The following CAMK2G variants were observed in gnomAD, a reference collection of about 807,000 sequenced individuals.
CAMK2G encodes calcium/calmodulin dependent protein kinase II gamma.
In CAMK2G, 23 loss-of-function variants were observed where a neutral mutation model predicts 88.7. The ratio of observed to expected loss-of-function variants is 0.26; its 90% confidence interval spans 0.19 to 0.37. The LOEUF (loss-of-function observed/expected upper bound fraction) is 0.37. Ranked by LOEUF, CAMK2G falls within the 10% of genes least tolerant of loss-of-function variation. The pLI is 1.00. For missense variants in CAMK2G, 476 were observed against 780.8 expected (o/e 0.61, Z 4.65); for synonymous variants, 263 against 294.8 (o/e 0.89, Z 1.11).
intron 5 of CAMK2G, among the ~76,000 whole-genome samples, chr10:73,849,720 G>T (rs541262512): frequency 2.2e-4 from 34 of 152,332 alleles, no homozygotes; most frequent in African/African-American, 7.5e-4. Context: ...TCTTGGAGAA[G>T]AAGCTTGTGC....
chr10:73,819,545 G>A lies in CAMK2G; in HGVS notation c.1350C>T (p.Leu450=). Residue 450 remains leucine, a synonymous_variant, in exon 19 of 23, where the codon CTC becomes CTT. Coordinates refer to ENST00000423381, the MANE Select transcript of CAMK2G (RefSeq NM_001367534.1). ...CCTCACACTTACTGGCTGAGGAGCA[G>A]AGAGAAGGCTGGGGCTGCATGCCTG... ...PSAGMQPQPS[L]CSSAMRKQEI... The A allele has an allele frequency of 2.6e-6, 4 of 1,548,988 alleles. No individual in the cohort carries two copies. The highest frequency in any genetic ancestry group is 3.5e-6 in the Non-Finnish European group (4 of 1,146,060).
chr10:73,873,074 G>A lies in CAMK2G; in HGVS notation c.75C>T (p.Phe25=). The change falls in exon 2 of 23, where the codon TTC becomes TTT. Residue 25 remains phenylalanine (F), a synonymous_variant. Transcript: ENST00000423381. ...TCTTCACACACCTGCGGACCACAGA[G>A]AAAGCACCCCTGGAGGGAGAAGGGG... The part of the protein sequence containing the change: ...QLFEELGKGA[F]SVVRRCVKKT... 6.2e-7 allele frequency: 1 copy of A among 1,610,898 alleles called. No homozygotes were observed. The highest frequency in any genetic ancestry group is 1.7e-5 in the Admixed American group (1 of 60,008).
intron 20 of CAMK2G, 94 bp from the exon 21 acceptor site, chr10:73,817,211 T>A (rs948436768): frequency 4.6e-6 from 7 of 1,507,310 alleles, no homozygotes; most frequent in African/African-American, 1.4e-5. Context: ...AGCAGCAGGC[T>A]ACCTGTGGCC....
At chr10:73,862,709 G>A (rs2095434171) in intron 2 of CAMK2G, among the ~76,000 whole-genome samples, 1 of 152,246 alleles carries the variant, frequency 6.6e-6, no homozygotes. Context: ...GCCAGATAAA[G>A]AATGGTGAGA....
Position 73,815,013 on chromosome 10 carries a change from G to A in CAMK2G, c.*2C>T. On this transcript the variant is annotated 3_prime_UTR_variant, in exon 22 of 23. Transcript: ENST00000423381. ...GTCAACCAGGTGCACCTGTGGCTGA[G>A]CTCACTGCAGCGGTGCGGCAGGGGC... 6.2e-7 allele frequency: 1 copy of A among 1,607,074 alleles called. No individual in the cohort carries two copies. Among genetic ancestry groups the A allele is most frequent in the African/African-American group, 1.3e-5 (1 of 74,928 alleles).
At chr10:73,817,659 A>G in intron 19 of CAMK2G, 105 bp from the exon 20 acceptor site, 1 of 763,998 alleles carries the variant, frequency 1.3e-6, no homozygotes, top group Admixed American at 1.9e-5. Flanking sequence ...TATGACAAAG[A>G]CATCCCTCTT....
chr10:73,859,411 T>C (rs551818985), intron 3 of CAMK2G, among the ~76,000 whole-genome samples: 24 of 152,352 alleles, frequency 1.6e-4, no homozygotes, highest in South Asian at 4.1e-4. Context: ...TTTTTAAATA[T>C]TGGCAAATAA....
chr10:73,815,373 C>CCG, intron 21 of CAMK2G, 126 bp from the exon 22 acceptor site: 1 of 656,632 alleles, frequency 1.5e-6, no homozygotes, highest in Non-Finnish European at 2.7e-6. Flanking sequence ...AGTACCGCCC[C>CCG]CCCCCACCCC....
chr10:73,819,488 G>C, intron 19 of CAMK2G, 44 bp downstream of exon 19: 1 of 1,383,620 alleles, frequency 7.2e-7, no homozygotes, highest in South Asian at 1.2e-5. Flanking sequence ...GCTTCAGGAC[G>C]AGCCAGGGAG....
chr10:73,839,151 C>T lies in CAMK2G; in HGVS notation c.1009+388G>A, dbSNP rs1184253628. Among the ~76,000 whole-genome samples the T allele has an allele frequency of 6.6e-6, 1 of 152,192 alleles. No homozygotes were observed. Among genetic ancestry groups the T allele is most frequent in the African/African-American group, 2.4e-5 (1 of 41,440 alleles). ...CTTCACAATTTTGAGGAGCGCGGCT[C>T]CTCTGTGGGGTCTTAAACAGTGCTG... On this transcript the variant is annotated intron_variant, in intron 13 of 22. Coordinates refer to ENST00000423381, the MANE Select transcript of CAMK2G (RefSeq NM_001367534.1). This position sits in a 1 kb window ranked among gnomAD's most constrained non-coding sequence, Gnocchi z 4.2.
In CAMK2G at chr10:73,842,885, T is replaced by C. The variant is rs1265589423; in HGVS notation, c.820-344A>G. Among the ~76,000 whole-genome samples the C allele has an allele frequency of 6.6e-6, 1 of 152,136 alleles. No individual in the cohort carries two copies. Among genetic ancestry groups the C allele is most frequent in the African/African-American group, 2.4e-5 (1 of 41,420 alleles). On this transcript the variant is annotated intron_variant, in intron 10 of 22. Transcript: ENST00000423381. The surrounding 1 kb of genome is among the most constrained non-coding windows in gnomAD (Gnocchi z 4.6). ...AGTCACTCCTTAGGCAGCTGTTTACTGAGCACCTACTGCGTTCCAGATGCT... is the reference window on the plus strand; with the variant it reads ...AGTCACTCCTTAGGCAGCTGTTTACCGAGCACCTACTGCGTTCCAGATGCT...
In CAMK2G at chr10:73,824,117, T is replaced by G. The variant is rs751996106; in HGVS notation, c.1156-33A>C. The G allele has an allele frequency of 3.8e-6, 6 of 1,578,492 alleles. No individual in the cohort carries two copies. In the South Asian group the frequency reaches 5.5e-5, roughly 15 times the overall value. Reference sequence around the variant, plus strand: ...AGAAGATGAAGATTACCCTTCCGACTTGGGGACAGACTATGGCTCTTCCCT... The same window carrying G: ...AGAAGATGAAGATTACCCTTCCGACGTGGGGACAGACTATGGCTCTTCCCT... On this transcript the variant is annotated intron_variant, in intron 16 of 22. Coordinates refer to ENST00000423381, the MANE Select transcript of CAMK2G (RefSeq NM_001367534.1).
Position 73,848,594 on chromosome 10 carries a change from G to C in CAMK2G, c.533C>G (p.Pro178Arg). 6.2e-7 allele frequency: 1 copy of C among 1,610,222 alleles called. No homozygotes were observed. The highest frequency in any genetic ancestry group is 8.5e-7 in the Non-Finnish European group (1 of 1,177,628). ...CAAGACCTCAGGGGACAAGTAACCT[G>C]GGGTGCCAGCAAAACCTGTAGCAAA... ...QQAWFGFAGT[P>R]GYLSPEVLRK... Residue 178 changes from proline to arginine, a missense_variant, in exon 8 of 23, where the codon CCA becomes CGA. This residue lies in a region of CAMK2G where 164 missense variants were observed against 385.6 expected (regional missense o/e 0.43). Coordinates refer to ENST00000423381, the MANE Select transcript of CAMK2G (RefSeq NM_001367534.1). The surrounding 1 kb of genome is among the most constrained non-coding windows in gnomAD (Gnocchi z 4.5).
chr10:73,844,120 T>A (rs925663722), intron 10 of CAMK2G, among the ~76,000 whole-genome samples: 6 of 152,056 alleles, frequency 3.9e-5, no homozygotes, highest in African/African-American at 1.2e-4. Context: ...TGAAACAGCA[T>A]CTCACTCTGT....
chr10:73,852,486 C>T (rs145672188), intron 4 of CAMK2G, 167 bp from the exon 5 acceptor site: 126 of 620,204 alleles, frequency 2.0e-4, no homozygotes, highest in Admixed American at 5.6e-4. Flanking sequence ...CAGTGACACC[C>T]GGATTCTCCT....
intron 2 of CAMK2G, among the ~76,000 whole-genome samples, chr10:73,863,065 A>T (rs1048515351): frequency 2.0e-5 from 3 of 152,232 alleles, no homozygotes; most frequent in Non-Finnish European, 2.9e-5. Flanking sequence ...TATGGACTAG[A>T]AGAAATTCAC....
At chr10:73,855,482 G>C (rs1288161778) in intron 3 of CAMK2G, among the ~76,000 whole-genome samples, 2 of 152,162 alleles carry the variant, frequency 1.3e-5, no homozygotes, top group African/African-American at 4.8e-5. Context: ...CTCTGCCTGG[G>C]CCTGGCACTG....
At chr10:73,830,681 G>T (rs911855366) in intron 14 of CAMK2G, among the ~76,000 whole-genome samples, 1 of 152,110 alleles carries the variant, frequency 6.6e-6, no homozygotes, top group African/African-American at 2.4e-5. Context: ...TACACTCTCA[G>T]GATCTGAGAG....
chr10:73,861,517 G>A (rs982052607), intron 2 of CAMK2G, among the ~76,000 whole-genome samples: 10 of 152,108 alleles, frequency 6.6e-5, no homozygotes, highest in Admixed American at 4.6e-4. Flanking sequence ...CACCACGCCT[G>A]GCTAATTTTT....
Sources: allele counts gnomAD v4.1 joint callset (sites outside exome capture counted in the v4.1 genomes callset), GRCh38; gene constraint gnomAD v4.1.1; regional missense constraint gnomAD v4.1.1; non-coding constraint Gnocchi (gnomAD v3.1); transcripts MANE v1.5; gene names NCBI Gene and HGNC (gene_info 2026-07-23, HGNC 2026-07-21).